Variants in CCDC30 observed in about 807,000 individuals in gnomAD.
CCDC30 encodes coiled-coil domain-containing protein 30.
CCDC30 carries 70 observed loss-of-function variants against 100.2 expected under a neutral mutation model. The ratio of observed to expected loss-of-function variants is 0.70; its 90% CI spans 0.58 to 0.85. The LOEUF (loss-of-function observed/expected upper bound fraction) is 0.85. Among genes scored for constraint, CCDC30 ranks in the 40% least tolerant of loss-of-function variants. CCDC30 has a pLI of 0.00. For missense variants in CCDC30, 652 were observed against 771.2 expected (o/e 0.85, Z 1.83); for synonymous variants, 233 against 269.5 (o/e 0.86, Z 1.33).
intron 6 of CCDC30, chr1:42,537,019 T>C (rs1463987251): frequency 8.3e-6 from 3 of 361,274 alleles, no homozygotes; most frequent in Non-Finnish European, 5.4e-6. Context: ...TATTGGGAAT[T>C]AGGGTTTCAA....
intron 10 of CCDC30, 64 bp downstream of exon 14, chr1:42,589,547 T>G (rs1457491325): frequency 1.4e-6 from 2 of 1,414,292 alleles, no homozygotes; most frequent in African/African-American, 2.8e-5. Context: ...CTAATTATTA[T>G]TGAGTGCCTA....
Position 42,563,463 on chromosome 1 carries a change from G to C in CCDC30, c.457-2833G>C, listed in dbSNP as rs564983914. Among the ~76,000 whole-genome samples the C allele has an allele frequency of 2.0e-5, 3 of 152,192 alleles. No homozygotes were observed. In the South Asian group the frequency reaches 6.2e-4, roughly 32 times the overall value. ...ATACACCAGGGCCTGTTGGGGGTAG[G>C]GGGTGAGGGGAGGGAACTTAGAGGA... On this transcript the variant is annotated intron_variant, in intron 6 of 16. Coordinates refer to ENST00000668663, the Ensembl canonical transcript of CCDC30.
intron 4 of CCDC30, among the ~76,000 whole-genome samples, chr1:42,495,961 A>T (rs1416589334): frequency 6.6e-6 from 1 of 152,226 alleles, no homozygotes; most frequent in Non-Finnish European, 1.5e-5. Flanking sequence ...ATAGATTGTT[A>T]AATAAGTGAC....
intron 6 of CCDC30, chr1:42,510,148 G>GT: frequency 2.0e-6 from 2 of 980,844 alleles, no homozygotes; most frequent in Non-Finnish European, 2.4e-6. Context: ...TTCAATTAGG[G>GT]TTGTCAATAA....
At chr1:42,457,070 C>T in the CCDC30 span, 1 of 1,594,124 alleles carries the variant, frequency 6.3e-7, no homozygotes. Flanking sequence ...ACTCAATCCG[C>T]TAGGTGCGTG....
intron 11 of CCDC30, among the ~76,000 whole-genome samples, chr1:42,627,764 G>C (rs750723606): frequency 6.6e-6 from 1 of 152,222 alleles, no homozygotes; most frequent in Non-Finnish European, 1.5e-5. Context: ...TGGGTGCACA[G>C]AAGTCAAGAA....
intron 9 of CCDC30, among the ~76,000 whole-genome samples, chr1:42,584,514 A>G (rs1646029998): frequency 6.6e-6 from 1 of 152,088 alleles, no homozygotes. Flanking sequence ...AATTGCTTAA[A>G]CCCAGGAGGC....
Position 42,556,417 on chromosome 1 carries a change from A to G in CCDC30, c.457-9879A>G. ...ACAGTGGTGCCCAGGTAGGTGCTAT[A>G]AACACATGCCCTGACTGGGTTCGTT... is the stretch of plus-strand genomic sequence containing the variant. On this transcript the variant is annotated intron_variant, in intron 6 of 16. Transcript: ENST00000668663. 6.3e-7 allele frequency: 1 copy of G among 1,591,780 alleles called. No individual in the cohort carries two copies. Among genetic ancestry groups the G allele is most frequent in the Non-Finnish European group, 8.6e-7 (1 of 1,168,992 alleles).
At chr1:42,483,784 ATTGTT>A (rs1235623507) in intron 3 of CCDC30, among the ~76,000 whole-genome samples, 2 of 151,702 alleles carry the variant, frequency 1.3e-5, no homozygotes, top group African/African-American at 4.8e-5. Flanking sequence ...TGTTGTTGTT[ATTGTT>A]TTTTTACCAT....
At chr1:42,506,517 C>T (rs1569849107) in intron 6 of CCDC30, among the ~76,000 whole-genome samples, 2 of 152,292 alleles carry the variant, frequency 1.3e-5, no homozygotes, top group East Asian at 3.9e-4. Context: ...TGATTAATAG[C>T]ATATACATAG....
At chr1:42,495,666 G>T (rs1367503993) in intron 4 of CCDC30, among the ~76,000 whole-genome samples, 1 of 151,666 alleles carries the variant, frequency 6.6e-6, no homozygotes, top group Non-Finnish European at 1.5e-5. Flanking sequence ...CTCCAGCCTA[G>T]GCAACAGAGC....
intron 11 of CCDC30, among the ~76,000 whole-genome samples, chr1:42,626,526 A>AT (rs1226393794): frequency 5.3e-5 from 8 of 150,920 alleles, no homozygotes; most frequent in South Asian, 2.1e-4. Flanking sequence ...TATATGTTGT[A>AT]TTTTTTTTGG....
chr1:42,472,997 A>G (rs991963217), intron 1 of CCDC30: 10 of 854,420 alleles, frequency 1.2e-5, no homozygotes, highest in Middle Eastern at 4.2e-4. Flanking sequence ...CTAGCTTTCT[A>G]TTGCTAGTAC....
chr1:42,504,837 A>C (rs1391308590), intron 6 of CCDC30, among the ~76,000 whole-genome samples: 2 of 152,160 alleles, frequency 1.3e-5, no homozygotes, highest in Non-Finnish European at 2.9e-5. Flanking sequence ...TTTACCATAC[A>C]AGATCCTTTC....
chr1:42,632,809 ATACAGTGT>A (rs1315113339), intron 11 of CCDC30, among the ~76,000 whole-genome samples: 1 of 151,926 alleles, frequency 6.6e-6, no homozygotes, highest in Non-Finnish European at 1.5e-5. Flanking sequence ...TTGATTGGCA[ATACAGTGT>A]TCTGTTTTTT....
intron 11 of CCDC30, among the ~76,000 whole-genome samples, chr1:42,625,562 A>T (rs979957909): frequency 2.9e-4 from 44 of 151,898 alleles, no homozygotes; most frequent in African/African-American, 9.9e-4. Context: ...TGTTTCCATT[A>T]TCATTCGTTT....
At position 42,539,281 on chromosome 1, in the gene CCDC30, C is replaced by T; in HGVS notation, c.457-27015C>T. On this transcript the variant is annotated intron_variant, in intron 6 of 16. Transcript: ENST00000668663. ...TTTTTTAATAGCATGTGACCTGTTA[C>T]AAAGAGAGAATTCTGAATTAGAAAC... 1.9e-6 allele frequency: 3 copies of T among 1,599,840 alleles called. No homozygotes were observed. The South Asian group carries it at 3.4e-5, about 18-fold the overall frequency.
chr1:42,519,356 G>T (rs537739049), intron 6 of CCDC30, among the ~76,000 whole-genome samples: 1 of 152,270 alleles, frequency 6.6e-6, no homozygotes, highest in African/African-American at 2.4e-5. Flanking sequence ...TGGGAAAAAG[G>T]ATATTAGTTC....
At chr1:42,601,840 C>A (rs1646410201) in intron 10 of CCDC30, among the ~76,000 whole-genome samples, 1 of 152,118 alleles carries the variant, frequency 6.6e-6, no homozygotes, top group African/African-American at 2.4e-5. Flanking sequence ...AGCAAGGAGA[C>A]CGTGACCAGC....
Sources: gnomAD v4.1 joint callset for allele counts (sites outside exome capture counted in the v4.1 genomes callset) on GRCh38, gnomAD v4.1.1 for gene constraint, MANE v1.5 for transcripts, NCBI Gene and HGNC (gene_info 2026-07-23, HGNC 2026-07-21) for gene names.